The following SETX variants were observed in gnomAD, a reference collection of about 807,000 sequenced individuals.
The protein encoded by SETX is senataxin.
A neutral mutation model predicts 227.2 loss-of-function variants in SETX; 90 were observed. The ratio of observed to expected loss-of-function variants is 0.40; its 90% CI spans 0.33 to 0.47. The LOEUF (loss-of-function observed/expected upper bound fraction) is 0.47. Ranked by LOEUF, SETX falls within the 20% of genes least tolerant of loss-of-function variation. The pLI is 0.91. For missense variants in SETX, 3,052 were observed against 3,181.5 expected (o/e 0.96, Z 0.98); for synonymous variants, 1,210 against 1,113.2 (o/e 1.09, Z -1.73).
chr9:132,265,208 G>A (rs1842580296), intron 25 of SETX, among the ~76,000 whole-genome samples: 1 of 149,324 alleles, frequency 6.7e-6, no homozygotes, highest in South Asian at 2.1e-4. Context: ...ACCTATAATG[G>A]AGAACTTCAA....
rs1171254665 is a variant in SETX at position 132,327,364 on chromosome 9, G to C, written c.4234C>G (p.Gln1412Glu). 4 of 1,614,216 alleles carry C rather than the reference G, an allele frequency of 2.5e-6. No individual in the cohort carries two copies. Among genetic ancestry groups the C allele is most frequent in the Non-Finnish European group, 3.4e-6 (4 of 1,180,034 alleles). ...TEVLANSNRK[Q>E]LIKCMPSEPE... ...TCAGAAGGCATGCATTTTATTAACT[G>C]TTTTCTGTTACTGTTGGCAAGTACC... The change falls in exon 10 of 26, where the codon CAG (glutamine) becomes GAG (glutamate). Residue 1412 changes from glutamine to glutamate, a missense_variant. Gln to Glu is a conservative substitution (Grantham distance 29). Around this residue, in one of 10 missense-constraint regions of SETX, gnomAD observed 1,483 missense variants for 1,312.0 expected, o/e 1.13. Coordinates refer to ENST00000224140, the MANE Select transcript of SETX (RefSeq NM_015046.7).
In SETX at chr9:132,294,812, A is replaced by C. The variant is rs1589664766; in HGVS notation, c.6106+1060T>G. 2.0e-5 allele frequency among the ~76,000 whole-genome samples: 3 copies of C among 152,354 alleles called. 1 individual carries two copies. In the South Asian group the frequency reaches 6.2e-4, roughly 32 times the overall value. On this transcript the variant is annotated intron_variant, in intron 15 of 25. Coordinates refer to ENST00000224140, the MANE Select transcript of SETX (RefSeq NM_015046.7). ...CACACATGGTGAAGCAACCAGATGGAGGCTGGGTCTCCAAGGACTCTCTAA... is the reference window on the plus strand; with the variant it reads ...CACACATGGTGAAGCAACCAGATGGCGGCTGGGTCTCCAAGGACTCTCTAA...
intron 19 of SETX, among the ~76,000 whole-genome samples, chr9:132,282,321 A>T (rs1206061592): frequency 3.4e-5 from 5 of 147,136 alleles, no homozygotes; most frequent in African/African-American, 5.1e-5. Context: ...TTTGAGAGAG[A>T]GAGTCTCACT....
At position 132,284,316 on chromosome 9, in the gene SETX, G is replaced by A. The variant is rs139253011; in HGVS notation, c.6397-903C>T. On this transcript the variant is annotated intron_variant, in intron 18 of 25. Coordinates refer to ENST00000224140, the MANE Select transcript of SETX (RefSeq NM_015046.7). ...TCAGGAAAGATTAATCTGGGGTTCTGTTTAAAATCTGATTAAAATCTGTTT... is the reference window on the plus strand; with the variant it reads ...TCAGGAAAGATTAATCTGGGGTTCTATTTAAAATCTGATTAAAATCTGTTT... 3.2e-3 allele frequency among the ~76,000 whole-genome samples: 484 copies of A among 152,304 alleles called. 4 individuals are homozygous for A. The highest frequency in any genetic ancestry group is 0.011 in the African/African-American group (461 of 41,566).
intron 11 of SETX, among the ~76,000 whole-genome samples, chr9:132,301,498 A>T (rs1844994422): frequency 6.6e-6 from 1 of 152,184 alleles, no homozygotes; most frequent in Non-Finnish European, 1.5e-5. Flanking sequence ...TGTTGTGGTC[A>T]GTGATGGACC....
chr9:132,273,734 C>T (rs889041026), intron 23 of SETX, among the ~76,000 whole-genome samples: 1 of 152,022 alleles, frequency 6.6e-6, no homozygotes, highest in African/African-American at 2.4e-5. Flanking sequence ...TAAGATCATG[C>T]CACCTATGAA....
In SETX at chr9:132,305,144, G is replaced by T. The variant is rs113733549; in HGVS notation, c.5375-4341C>A. On this transcript the variant is annotated intron_variant, in intron 11 of 25. Transcript: ENST00000224140. ...CCGAGGCGGGCGGATCACGAGGTTAGGAGATCAAGACCATCCTGGCTAACA... is the reference window on the plus strand; with the variant it reads ...CCGAGGCGGGCGGATCACGAGGTTATGAGATCAAGACCATCCTGGCTAACA... 2.8e-3 allele frequency among the ~76,000 whole-genome samples: 425 copies of T among 151,868 alleles called. 4 individuals carry two copies. Among genetic ancestry groups the T allele is most frequent in the African/African-American group, 0.01 (416 of 41,474 alleles).
At chr9:132,281,075 G>T (rs1301870089) in intron 20 of SETX, among the ~76,000 whole-genome samples, 1 of 152,150 alleles carries the variant, frequency 6.6e-6, no homozygotes, top group Non-Finnish European at 1.5e-5. Context: ...AGGAGGGTAG[G>T]ATTCTTCTCT....
At chr9:132,351,599 G>A (rs1848607472) in intron 2 of SETX, among the ~76,000 whole-genome samples, 1 of 152,166 alleles carries the variant, frequency 6.6e-6, no homozygotes. Flanking sequence ...ACCAACAAGA[G>A]AACATGTGCT....
At chr9:132,326,252 C>T (rs1846744731) in intron 10 of SETX, 72 bp downstream of exon 10, 1 of 1,197,712 alleles carries the variant, frequency 8.3e-7, no homozygotes, top group Middle Eastern at 2.2e-4. Context: ...ACTATACTCT[C>T]ATTTTCACTC....
intron 23 of SETX, among the ~76,000 whole-genome samples, chr9:132,274,440 C>CTTTTTT (rs1346968200): frequency 1.5e-5 from 2 of 132,496 alleles, no homozygotes; most frequent in Non-Finnish European, 1.6e-5. Context: ...CTGATTTTTT[C>CTTTTTT]TTTTTTTTTT....
intron 11 of SETX, among the ~76,000 whole-genome samples, chr9:132,309,339 G>A (rs1845512201): frequency 1.3e-5 from 2 of 151,754 alleles, no homozygotes; most frequent in African/African-American, 2.4e-5. Context: ...AAGCACAAAT[G>A]GTCTTTCAAT....
At chr9:132,341,234 T>C (rs955733479) in intron 5 of SETX, among the ~76,000 whole-genome samples, 4 of 152,022 alleles carry the variant, frequency 2.6e-5, no homozygotes, top group African/African-American at 9.7e-5. Context: ...TAAAATATAA[T>C]AATAAAAAAA....
intron 2 of SETX, among the ~76,000 whole-genome samples, chr9:132,351,223 T>C (rs983541440): frequency 6.6e-6 from 1 of 152,126 alleles, no homozygotes; most frequent in African/African-American, 2.4e-5. Context: ...AAGTGAAACT[T>C]CATGGAGGTT....
chr9:132,329,899 T>G lies in SETX; in HGVS notation c.1699A>C (p.Arg567=). Residue 567 remains arginine, a synonymous_variant, in exon 10 of 26, where the codon AGA becomes CGA. Coordinates refer to ENST00000224140, the MANE Select transcript of SETX (RefSeq NM_015046.7). The stretch of plus-strand genomic sequence containing the variant: ...TGCCAACCTAGAGATAAATTTCCTC[T>G]AAGGAATAAGTTGAGCTTATCCCAG... The part of the protein sequence containing the change: ...RFWDKLNLFL[R]GNLSLGWQLT... The G allele has an allele frequency of 6.2e-7, 1 of 1,614,158 alleles. No individual in the cohort carries two copies. Among genetic ancestry groups the G allele is most frequent in the Non-Finnish European group, 8.5e-7 (1 of 1,180,026 alleles).
chr9:132,262,814 A>G lies in SETX; in HGVS notation c.*1425T>C, dbSNP rs955125456. On this transcript the variant is annotated 3_prime_UTR_variant, in exon 26 of 26. Transcript: ENST00000224140. ...ACAAAGGAAATGTCAAATAATGCAC[A>G]TGAATCTTCAGCTATTTTCCTACCC... The G allele has an allele frequency of 2.0e-5, 3 of 152,418 alleles. No individual in the cohort carries two copies. Among genetic ancestry groups the G allele is most frequent in the African/African-American group, 7.2e-5 (3 of 41,452 alleles). The allele number at this position is 152,418 out of a possible 1,614,324, so 9.4% of individuals were successfully genotyped here.
intron 7 of SETX, among the ~76,000 whole-genome samples, chr9:132,332,801 GC>G (rs1426478689): frequency 6.6e-6 from 1 of 151,596 alleles, no homozygotes; most frequent in Non-Finnish European, 1.5e-5. Flanking sequence ...CATGCCTGTG[GC>G]CCCAGTTACT....
At chr9:132,319,934 G>T (rs1846216857) in intron 10 of SETX, among the ~76,000 whole-genome samples, 1 of 152,190 alleles carries the variant, frequency 6.6e-6, no homozygotes, top group Admixed American at 6.5e-5. Flanking sequence ...CTACACAGGA[G>T]AGGCAACAGT....
At chr9:132,300,224 C>G (rs1844910739) in intron 12 of SETX, among the ~76,000 whole-genome samples, 1 of 150,900 alleles carries the variant, frequency 6.6e-6, no homozygotes, top group South Asian at 2.1e-4. Flanking sequence ...ATTAAATTAC[C>G]TAGGGAGAAA....
Sources: allele counts gnomAD v4.1 joint callset (sites outside exome capture counted in the v4.1 genomes callset), GRCh38; gene constraint gnomAD v4.1.1; regional missense constraint gnomAD v4.1.1; transcripts MANE v1.5; gene names NCBI Gene and HGNC (gene_info 2026-07-23, HGNC 2026-07-21).